The following KHDRBS2 variants were observed in gnomAD, a reference collection of about 807,000 sequenced individuals.
KHDRBS2 encodes KH RNA binding domain containing, signal transduction associated 2, also known as KH domain-containing, RNA-binding, signal transduction-associated protein 2.
KHDRBS2 carries 26 observed loss-of-function variants against 44.3 expected under a neutral mutation model. The observed-to-expected ratio is 0.59, with a 90% CI of 0.43 to 0.81. KHDRBS2 has a LOEUF of 0.81. Ranked by LOEUF, KHDRBS2 falls within the 40% of genes least tolerant of loss-of-function variation. The pLI is 0.00. For synonymous variants in KHDRBS2, 194 were observed against 151.1 expected, an observed-to-expected ratio of 1.28 and a Z score of -2.08; for missense variants, 476 against 433.1, an observed-to-expected ratio of 1.10 and a Z score of -0.88.
the KHDRBS2 span, among the ~76,000 whole-genome samples, chr6:61,581,908 A>G: frequency 1.3e-5 from 2 of 151,798 alleles, no homozygotes; most frequent in Admixed American, 6.6e-5. Context: ...AAGAAAAATT[A>G]GAAATTATAG....
chr6:61,802,511 T>G (rs2127589973), intron 6 of KHDRBS2, among the ~76,000 whole-genome samples: 1 of 152,334 alleles, frequency 6.6e-6, no homozygotes, highest in Non-Finnish European at 1.5e-5. Flanking sequence ...ATGGCAGTTT[T>G]ACTTTTGATG....
At chr6:62,233,949 G>C (rs918934445) in intron 1 of KHDRBS2, among the ~76,000 whole-genome samples, 1 of 151,898 alleles carries the variant, frequency 6.6e-6, no homozygotes, top group Non-Finnish European at 1.5e-5. Context: ...AGGAACATAT[G>C]TGTGCATGTG....
intron 3 of KHDRBS2, among the ~76,000 whole-genome samples, chr6:62,027,172 A>G (rs1783514480): frequency 6.6e-6 from 1 of 152,122 alleles, no homozygotes; most frequent in Admixed American, 6.6e-5. Flanking sequence ...AAGTGAGGGA[A>G]TAAAGCTGGA....
intron 8 of KHDRBS2, among the ~76,000 whole-genome samples, chr6:61,696,939 G>A (rs1021719768): frequency 3.3e-5 from 5 of 152,072 alleles, no homozygotes; most frequent in Admixed American, 6.6e-5. Flanking sequence ...CATACAAGAC[G>A]CTATTCAGAA....
chr6:61,812,550 T>G (rs1788284976), intron 6 of KHDRBS2, among the ~76,000 whole-genome samples: 1 of 152,070 alleles, frequency 6.6e-6, no homozygotes, highest in Non-Finnish European at 1.5e-5. Context: ...GCATCGTATA[T>G]TATAATGAAA....
chr6:62,115,351 C>A (rs986112408), intron 2 of KHDRBS2, among the ~76,000 whole-genome samples: 1 of 152,148 alleles, frequency 6.6e-6, no homozygotes, highest in African/African-American at 2.4e-5. Context: ...ACTTTGATAT[C>A]AGCATAGGCT....
the KHDRBS2 span, among the ~76,000 whole-genome samples, chr6:61,633,049 A>C: frequency 6.6e-6 from 1 of 152,224 alleles, no homozygotes; most frequent in East Asian, 1.9e-4. Flanking sequence ...GAACTCCACA[A>C]AGGCTTACTA....
chr6:61,742,809 G>A (rs138072967), intron 6 of KHDRBS2, among the ~76,000 whole-genome samples: 1 of 152,116 alleles, frequency 6.6e-6, no homozygotes, highest in East Asian at 1.9e-4. Flanking sequence ...AATCTTTGGA[G>A]TTTTCTATAG....
intron 6 of KHDRBS2, among the ~76,000 whole-genome samples, chr6:61,737,424 A>G (rs1775534929): frequency 1.3e-5 from 2 of 152,110 alleles, no homozygotes; most frequent in African/African-American, 4.8e-5. Flanking sequence ...AATATTTGTA[A>G]ATATATATGT....
At chr6:61,574,947 C>T in the KHDRBS2 span, among the ~76,000 whole-genome samples, 352 of 152,202 alleles carry the variant, frequency 2.3e-3, 2 homozygotes, top group African/African-American at 8.2e-3. Flanking sequence ...CCTCATCTCT[C>T]ACCCTATACA....
At chr6:62,263,263 T>C (rs763783885) in intron 1 of KHDRBS2, among the ~76,000 whole-genome samples, 6 of 151,678 alleles carry the variant, frequency 4.0e-5, no homozygotes, top group Non-Finnish European at 8.9e-5. Context: ...CTTACAAATA[T>C]GTAATTCACC....
the KHDRBS2 span, among the ~76,000 whole-genome samples, chr6:61,589,588 T>C: frequency 6.6e-6 from 1 of 152,170 alleles, no homozygotes; most frequent in South Asian, 2.1e-4. Flanking sequence ...CTCAAACATA[T>C]TCAGAATACC....
At chr6:61,834,192 A>G (rs117979282) in intron 6 of KHDRBS2, among the ~76,000 whole-genome samples, 2,916 of 152,128 alleles carry the variant, frequency 0.019, 57 homozygotes, top group East Asian at 0.051. Context: ...TATCTCCAAA[A>G]AATTCTCTCA....
chr6:61,716,800 ACCTTAGGTTCTTTCTGTC>A (rs1188915258), intron 7 of KHDRBS2, among the ~76,000 whole-genome samples: 1 of 152,000 alleles, frequency 6.6e-6, no homozygotes, highest in East Asian at 1.9e-4. Flanking sequence ...CCAGAATTTC[ACCTTAGGTTCTTTCTGTC>A]CTTAATGCTG....
At chr6:62,280,239 T>C (rs1243976310) in intron 1 of KHDRBS2, among the ~76,000 whole-genome samples, 2 of 152,130 alleles carry the variant, frequency 1.3e-5, no homozygotes, top group African/African-American at 4.8e-5. Flanking sequence ...TCAAGGGGTA[T>C]GGACTACGCC....
At chr6:61,699,891 T>C (rs1768383064) in intron 7 of KHDRBS2, among the ~76,000 whole-genome samples, 1 of 152,092 alleles carries the variant, frequency 6.6e-6, no homozygotes, top group Non-Finnish European at 1.5e-5. Context: ...TGGTAATGTG[T>C]TCTCTTCATC....
intron 6 of KHDRBS2, among the ~76,000 whole-genome samples, chr6:61,764,449 T>C (rs535957831): frequency 1.6e-4 from 24 of 152,240 alleles, no homozygotes; most frequent in African/African-American, 5.3e-4. Flanking sequence ...TGGTGCAAAA[T>C]AATGACAGTT....
chr6:62,048,491 G>A (rs1202449257), intron 2 of KHDRBS2, among the ~76,000 whole-genome samples: 2 of 151,850 alleles, frequency 1.3e-5, no homozygotes, highest in Admixed American at 1.3e-4. Flanking sequence ...GTTAAGCATT[G>A]TCTGGTGACC....
At chr6:62,025,570 CATA>C (rs201450384) in intron 3 of KHDRBS2, among the ~76,000 whole-genome samples, 1,860 of 151,958 alleles carry the variant, frequency 0.012, 45 homozygotes, top group African/African-American at 0.042. Flanking sequence ...CATTATCACA[CATA>C]ATAATTTACA....
Sources: gnomAD v4.1 joint callset for allele counts (sites outside exome capture counted in the v4.1 genomes callset) on GRCh38, gnomAD v4.1.1 for gene constraint, MANE v1.5 for transcripts, NCBI Gene and HGNC (gene_info 2026-07-23, HGNC 2026-07-21) for gene names.